Variants in DPP9 observed in about 807,000 individuals in gnomAD.
DPP9 encodes the protein dipeptidyl peptidase 9.
A neutral mutation model predicts 110.7 loss-of-function variants in DPP9; 50 were observed. That is an observed-to-expected ratio of 0.45 (90% CI 0.36 to 0.57). The LOEUF is 0.57. DPP9 is among the 20% of genes least tolerant of loss of function. The pLI, the probability that DPP9 is intolerant of heterozygous loss-of-function variation, is 0.00. For synonymous variants in DPP9, 561 were observed against 514.4 expected, an observed-to-expected ratio of 1.09 and a Z score of -1.23; for missense variants, 1,022 against 1,217.9, an observed-to-expected ratio of 0.84 and a Z score of 2.39.
At chr19:4,705,017 A>G (rs1272402362) in intron 5 of DPP9, among the ~76,000 whole-genome samples, 2 of 152,056 alleles carry the variant, frequency 1.3e-5, no homozygotes, top group African/African-American at 4.8e-5. Flanking sequence ...AGCAGAATCA[A>G]AAGCAAAATT....
In DPP9 at chr19:4,694,605, T is replaced by C; in HGVS notation, c.1516+56A>G. 4 of 1,567,626 alleles carry C rather than the reference T, an allele frequency of 2.6e-6. No individual in the cohort carries two copies. Among genetic ancestry groups the C allele is most frequent in the East Asian group, 4.7e-5 (2 of 42,640 alleles). On this transcript the variant is annotated intron_variant, in intron 13 of 21. Coordinates refer to ENST00000262960, the MANE Select transcript of DPP9 (RefSeq NM_139159.5). This position sits in a 1 kb window ranked among gnomAD's most constrained non-coding sequence, Gnocchi z 4.0. ...GGCCGACCAATGAACAAACAGCATATTGAACCACACGTGACTAACGCGATG... is the reference window on the plus strand; with the variant it reads ...GGCCGACCAATGAACAAACAGCATACTGAACCACACGTGACTAACGCGATG...
chr19:4,717,859 A>T (rs976303271), intron 3 of DPP9: 1 of 152,192 alleles, frequency 6.6e-6, no homozygotes, highest in Non-Finnish European at 1.5e-5. Context: ...CTAGCCTGTG[A>T]TGGGCTTTCT....
At chr19:4,701,210 G>A (rs2092231275) in intron 9 of DPP9, among the ~76,000 whole-genome samples, 1 of 152,214 alleles carries the variant, frequency 6.6e-6, no homozygotes, top group Non-Finnish European at 1.5e-5. Context: ...GCTCACGTCT[G>A]TAATCTCAGC....
At position 4,682,863 on chromosome 19, in the gene DPP9, G is replaced by T; in HGVS notation, c.2332-25C>A. 6.4e-7 allele frequency: 1 copy of T among 1,568,438 alleles called. No homozygotes were observed. ...CCTGAGGGACACAGCAGACAGATGG[G>T]GGCAGAGAGAGAGAGAGAAACAGGC... is the stretch of plus-strand genomic sequence containing the variant. On this transcript the variant is annotated intron_variant, in intron 19 of 21. Transcript: ENST00000262960. The surrounding 1 kb of genome is among the most constrained non-coding windows in gnomAD (Gnocchi z 7.1).
At chr19:4,711,119 G>C (rs1389981043) in intron 4 of DPP9, among the ~76,000 whole-genome samples, 1 of 152,196 alleles carries the variant, frequency 6.6e-6, no homozygotes, top group Non-Finnish European at 1.5e-5. Context: ...TGGGCAGCGA[G>C]GTGGGGTGGA....
intron 4 of DPP9, among the ~76,000 whole-genome samples, chr19:4,709,230 G>GT (rs796655438): frequency 0.019 from 2,802 of 146,440 alleles, 75 homozygotes; most frequent in African/African-American, 0.064. Context: ...TTGTTTGTTT[G>GT]TTTTTTTTTT....
Position 4,700,392 on chromosome 19 carries a change from T to C in DPP9, c.1013-115A>G. The C allele has an allele frequency of 2.7e-6, 2 of 743,194 alleles. No individual in the cohort carries two copies. Among genetic ancestry groups the C allele is most frequent in the Non-Finnish European group, 4.1e-6 (2 of 489,482 alleles). The allele number at this position is 743,194 out of a possible 1,614,324, so 46.0% of individuals were successfully genotyped here. ...TCCACAGAGAGGTGTACAATTGGAG[T>C]GGGGGAGGCAGGAGAAGCCAGGTGT... is the stretch of plus-strand genomic sequence containing the variant. On this transcript the variant is annotated intron_variant, in intron 9 of 21. Coordinates refer to ENST00000262960, the MANE Select transcript of DPP9 (RefSeq NM_139159.5). The surrounding 1 kb of genome is among the most constrained non-coding windows in gnomAD (Gnocchi z 4.3).
chr19:4,708,255 GAC>G (rs1599932271), intron 4 of DPP9, among the ~76,000 whole-genome samples: 7 of 152,294 alleles, frequency 4.6e-5, no homozygotes. Context: ...CCTTGCCGAG[GAC>G]ACACCTGGCT....
At chr19:4,719,326 T>TTAAATAAATAAATAAATAAATAAA (rs3059236) in intron 3 of DPP9, 1 of 141,838 alleles carries the variant, frequency 7.1e-6, no homozygotes, top group Non-Finnish European at 1.5e-5. Flanking sequence ...AGACTCCGTC[T>TTAAATAAATAAATAAATAAATAAA]TAAATAAATA....
At position 4,676,500 on chromosome 19, in the gene DPP9, G is replaced by A. The variant is rs1294708772; in HGVS notation, c.*64C>T. Reference sequence around the variant, plus strand: ...GCCCGCGGGCCACTCAGTCCCTCCCGCCTGGTTCCCCGCGGAGGCTGCAGC... The same window carrying A: ...GCCCGCGGGCCACTCAGTCCCTCCCACCTGGTTCCCCGCGGAGGCTGCAGC... On this transcript the variant is annotated 3_prime_UTR_variant, in exon 22 of 22. Transcript: ENST00000262960. This position sits in a 1 kb window ranked among gnomAD's most constrained non-coding sequence, Gnocchi z 4.0. 1.1e-5 allele frequency: 15 copies of A among 1,422,036 alleles called. No individual in the cohort carries two copies. Among genetic ancestry groups the A allele is most frequent in the Middle Eastern group, 1.7e-4 (1 of 5,792 alleles). The allele number at this position is 1,422,036 out of a possible 1,614,324, so 88.1% of individuals were successfully genotyped here. A position where few individuals can be genotyped will look rare whatever the true frequency, so the allele number is the denominator to read the frequency against.
chr19:4,703,903 A>G lies in DPP9; in HGVS notation c.752T>C (p.Leu251Pro). 6.2e-7 allele frequency: 1 copy of G among 1,605,020 alleles called. No individual in the cohort carries two copies. Residue 251 changes from leucine (L) to proline (P), a missense_variant, in exon 7 of 22, where the codon CTG (leucine) becomes CCG (proline). Around this residue, in one of 3 missense-constraint regions of DPP9, gnomAD observed 810 missense variants for 920.6 expected, o/e 0.88. Transcript: ENST00000262960. The part of the protein sequence containing the change: ...ANIETGEERR[L>P]TFCHQGLSNV... ...GGCCCCACCTTGGTGGCAGAAGGTC[A>G]GCCGCCGCTCCTCGCCTGTCTCGAT...
chr19:4,700,206 G>C lies in DPP9; in HGVS notation c.1074+10C>G. On this transcript the variant is annotated intron_variant, in intron 10 of 21. Coordinates refer to ENST00000262960, the MANE Select transcript of DPP9 (RefSeq NM_139159.5). The surrounding 1 kb of genome is among the most constrained non-coding windows in gnomAD (Gnocchi z 4.3). ...TAGTAGATTATCTGGTATGCAGCAG[G>C]CCCCCTTACCTTGCCCTGGCTGTCA... 1 of 1,562,050 alleles carries C rather than the reference G, an allele frequency of 6.4e-7. No homozygotes were observed. Among genetic ancestry groups the C allele is most frequent in the Non-Finnish European group, 8.7e-7 (1 of 1,145,338 alleles).
At position 4,714,271 on chromosome 19, in the gene DPP9, G is replaced by A. The variant is rs537922036; in HGVS notation, c.123C>T (p.Gly41=). ...CCGGGTCATCTGTGGCGGCTGCGTCGCCTCGGTCGGCCGTTGGGGTCCCGG... is the reference window on the plus strand; with the variant it reads ...CCGGGTCATCTGTGGCGGCTGCGTCACCTCGGTCGGCCGTTGGGGTCCCGG... ...ATTGTPTADR[G]DAAATDDPAA... The change falls in exon 4 of 22, where the codon GGC becomes GGT. Residue 41 remains glycine (G), a synonymous_variant. Coordinates refer to ENST00000262960, the MANE Select transcript of DPP9 (RefSeq NM_139159.5). 86 of 1,558,526 alleles carry A rather than the reference G, an allele frequency of 5.5e-5. No individual in the cohort carries two copies. Among genetic ancestry groups the A allele is most frequent in the Middle Eastern group, 1.7e-4 (1 of 5,980 alleles).
At chr19:4,714,640 C>T (rs929976161) in intron 3 of DPP9, among the ~76,000 whole-genome samples, 3 of 152,140 alleles carry the variant, frequency 2.0e-5, no homozygotes, top group East Asian at 3.9e-4. Context: ...AATCCTCCTG[C>T]GTCAGCCTCC....
At chr19:4,713,040 T>C (rs751301718) in intron 4 of DPP9, among the ~76,000 whole-genome samples, 1 of 152,192 alleles carries the variant, frequency 6.6e-6, no homozygotes, top group Non-Finnish European at 1.5e-5. Flanking sequence ...CAAGGAACAC[T>C]TGGCGATGTC....
rs536086143 is a variant in DPP9, at chr19:4,718,801, C to G, written c.56+1050G>C. Among the ~76,000 whole-genome samples, 4 of 152,194 alleles carry G rather than the reference C, an allele frequency of 2.6e-5. No individual in the cohort carries two copies. Among genetic ancestry groups the G allele is most frequent in the Non-Finnish European group, 4.4e-5 (3 of 68,042 alleles). ...CCCTTCACACCGTCCCCGTCTTCCC[C>G]GGTCCATTCTTCAATTCCCTTCCCA... On this transcript the variant is annotated intron_variant, in intron 3 of 21. Transcript: ENST00000262960. This position sits in a 1 kb window ranked among gnomAD's most constrained non-coding sequence, Gnocchi z 4.3.
chr19:4,691,572 C>T (rs2145544741), intron 13 of DPP9, among the ~76,000 whole-genome samples: 1 of 150,526 alleles, frequency 6.6e-6, no homozygotes, highest in African/African-American at 2.4e-5. Flanking sequence ...GGCCACATGA[C>T]ATCTGTGTGT....
chr19:4,705,247 A>G (rs950398816), intron 5 of DPP9, among the ~76,000 whole-genome samples: 2 of 152,136 alleles, frequency 1.3e-5, no homozygotes, highest in African/African-American at 4.8e-5. Flanking sequence ...TATTTTAGAG[A>G]CTGGGATTCG....
intron 4 of DPP9, among the ~76,000 whole-genome samples, chr19:4,711,380 A>G (rs1033057129): frequency 6.6e-6 from 1 of 152,092 alleles, no homozygotes; most frequent in Non-Finnish European, 1.5e-5. Context: ...CGTTACACAG[A>G]GAGACAGGCC....
Sources: allele counts gnomAD v4.1 joint callset (sites outside exome capture counted in the v4.1 genomes callset), GRCh38; gene constraint gnomAD v4.1.1; regional missense constraint gnomAD v4.1.1; non-coding constraint Gnocchi (gnomAD v3.1); transcripts MANE v1.5; gene names NCBI Gene and HGNC (gene_info 2026-07-23, HGNC 2026-07-21).